The following ZMIZ1 variants were observed in gnomAD, a reference collection of about 807,000 sequenced individuals.
ZMIZ1 encodes the protein zinc finger MIZ domain-containing protein 1.
ZMIZ1 carries 17 observed loss-of-function variants against 113.9 expected under a neutral mutation model. The observed-to-expected ratio is 0.15, with a 90% CI of 0.10 to 0.22. ZMIZ1 has a LOEUF of 0.22. Among genes scored for constraint, ZMIZ1 ranks in the 10% least tolerant of loss-of-function variants. The probability of loss-of-function intolerance (pLI) is 1.00; values close to 1 mark genes in which losing one functional copy is unlikely to be tolerated. For missense variants in ZMIZ1, 1,059 were observed against 1,477.8 expected, an observed-to-expected ratio of 0.72 and a Z score of 4.65; for synonymous variants, 607 against 603.1, an observed-to-expected ratio of 1.01 and a Z score of -0.09.
intron 6 of ZMIZ1, among the ~76,000 whole-genome samples, chr10:79,210,095 C>G (rs1201658736): frequency 6.6e-6 from 1 of 152,212 alleles, no homozygotes; most frequent in Non-Finnish European, 1.5e-5. Flanking sequence ...GGATCTGGTT[C>G]CAGGCTAAGC....
rs201147714 is a variant in ZMIZ1 at position 79,300,747 on chromosome 10, G to A, written c.1824G>A (p.Leu608=). ...QTLMWRSDLE[L]QFKCYHHEDR... ...CCCCACCTAGGTCTGACCTGGAGCT[G>A]CAGTTCAAGTGCTACCACCACGAGG... Residue 608 remains leucine (L), a synonymous_variant, in exon 17 of 25, where the codon CTG becomes CTA. Coordinates refer to ENST00000334512, the MANE Select transcript of ZMIZ1 (RefSeq NM_020338.4). 2.9e-5 allele frequency: 47 copies of A among 1,613,870 alleles called. No homozygotes were observed. The highest frequency in any genetic ancestry group is 2.8e-4 in the African/African-American group (21 of 75,014).
chr10:79,277,420 C>T, intron 8 of ZMIZ1, 95 bp downstream of exon 8: 1 of 1,426,096 alleles, frequency 7.0e-7, no homozygotes, highest in Non-Finnish European at 9.2e-7. Flanking sequence ...GGCCTCTGTG[C>T]AACCATGAGG....
At chr10:79,264,003 C>G (rs1157440687) in intron 7 of ZMIZ1, among the ~76,000 whole-genome samples, 1 of 152,210 alleles carries the variant, frequency 6.6e-6, no homozygotes, top group African/African-American at 2.4e-5. Flanking sequence ...CCTCCTTACC[C>G]TTCCATCTCC....
chr10:79,239,294 A>G (rs1437667609), intron 7 of ZMIZ1, among the ~76,000 whole-genome samples: 2 of 152,050 alleles, frequency 1.3e-5, no homozygotes, highest in Non-Finnish European at 2.9e-5. Flanking sequence ...GGTCCCCGGT[A>G]TGTGTGCATC....
At chr10:79,070,840 C>T (rs938373404) in intron 1 of ZMIZ1, among the ~76,000 whole-genome samples, 9 of 148,608 alleles carry the variant, frequency 6.1e-5, no homozygotes, top group Non-Finnish European at 1.2e-4. Context: ...CCGCCTGCCT[C>T]CCTCCCTCCC....
chr10:79,189,905 C>T (rs1296199050), intron 4 of ZMIZ1, among the ~76,000 whole-genome samples: 1 of 152,338 alleles, frequency 6.6e-6, no homozygotes, highest in South Asian at 2.1e-4. Flanking sequence ...GTGGCTCAGT[C>T]CCCTGAGTAG....
chr10:79,248,394 G>A (rs184967014), intron 7 of ZMIZ1, among the ~76,000 whole-genome samples: 55 of 152,284 alleles, frequency 3.6e-4, no homozygotes, highest in Non-Finnish European at 6.6e-4. Context: ...GCAGGAGCTC[G>A]AGGAGAGGTT....
Position 79,306,348 on chromosome 10 carries a change from G to C in ZMIZ1, c.2668+4G>C. 1 of 1,607,304 alleles carries C rather than the reference G, an allele frequency of 6.2e-7. No individual in the cohort carries two copies. The highest frequency in any genetic ancestry group is 8.5e-7 in the Non-Finnish European group (1 of 1,179,696). Reference sequence around the variant, plus strand: ...TCCAACGACTACAGCAGCCAAGGTGGGTGATGCCAGGCAGGGAGGAAGGGA... The same window carrying C: ...TCCAACGACTACAGCAGCCAAGGTGCGTGATGCCAGGCAGGGAGGAAGGGA... On this transcript the variant is annotated splice_donor_region_variant and intron_variant, in intron 22 of 24. Coordinates refer to ENST00000334512, the MANE Select transcript of ZMIZ1 (RefSeq NM_020338.4).
chr10:79,112,803 A>G (rs1029412967), intron 1 of ZMIZ1, among the ~76,000 whole-genome samples: 2 of 152,196 alleles, frequency 1.3e-5, no homozygotes, highest in African/African-American at 4.8e-5. Flanking sequence ...GGGTTCCTTT[A>G]TATCTTTCAC....
intron 4 of ZMIZ1, among the ~76,000 whole-genome samples, chr10:79,183,358 GCACACACACACA>G (rs57212618): frequency 4.6e-5 from 7 of 150,692 alleles, no homozygotes; most frequent in Non-Finnish European, 8.9e-5. Flanking sequence ...TCGTGCACGC[GCACACACACACA>G]CACACACACA....
At chr10:79,160,289 G>A (rs1270952942) in intron 3 of ZMIZ1, among the ~76,000 whole-genome samples, 1 of 152,198 alleles carries the variant, frequency 6.6e-6, no homozygotes, top group Admixed American at 6.5e-5. Context: ...GAGCCAGAAG[G>A]TTAGGATGTA....
At chr10:79,167,372 T>G (rs1346683994) in intron 4 of ZMIZ1, among the ~76,000 whole-genome samples, 2 of 152,188 alleles carry the variant, frequency 1.3e-5, no homozygotes, top group East Asian at 3.9e-4. Flanking sequence ...CGGCGCATGC[T>G]TGGAGAGTCC....
At chr10:79,231,990 A>G (rs116529066) in intron 7 of ZMIZ1, among the ~76,000 whole-genome samples, 2,190 of 152,340 alleles carry the variant, frequency 0.014, 53 homozygotes, top group African/African-American at 0.05. Flanking sequence ...TTGAGGAACA[A>G]TGGACCCATG....
chr10:79,226,788 A>C (rs1262869751), intron 7 of ZMIZ1, among the ~76,000 whole-genome samples: 1 of 152,230 alleles, frequency 6.6e-6, no homozygotes, highest in Non-Finnish European at 1.5e-5. Context: ...TTAGACAGAC[A>C]GATAGGCATT....
chr10:79,306,263 G>A lies in ZMIZ1; in HGVS notation c.2587G>A (p.Ala863Thr), dbSNP rs1332317806. ...CATGCCCAATGTCATGGAGATGATC[G>A]CAGCCCTGGGCCCCGGCCCGTCCCC... ...MIMPNVMEMI[A>T]ALGPGPSPYP... is the part of the protein sequence containing the mutation. The change falls in exon 22 of 25, where the codon GCA becomes ACA. Residue 863 changes from alanine to threonine, a missense_variant. Physicochemically the swap from Ala to Thr is moderately conservative, Grantham distance 58 (BLOSUM62 0). Transcript: ENST00000334512. 5.6e-6 allele frequency: 9 copies of A among 1,613,988 alleles called. No homozygotes were observed. Among genetic ancestry groups the A allele is most frequent in the East Asian group, 2.2e-5 (1 of 44,876 alleles).
intron 7 of ZMIZ1, among the ~76,000 whole-genome samples, chr10:79,250,899 C>T (rs149302892): frequency 2.4e-4 from 36 of 152,286 alleles, no homozygotes; most frequent in Middle Eastern, 3.4e-3. Flanking sequence ...CTGGCACCCA[C>T]GGTGTCCTTG....
At position 79,077,005 on chromosome 10, in the gene ZMIZ1, A is replaced by G. The variant is rs970183735; in HGVS notation, c.-337+7735A>G. Among the ~76,000 whole-genome samples, 4 of 152,098 alleles carry G rather than the reference A, an allele frequency of 2.6e-5. No individual in the cohort carries two copies. In the South Asian group the frequency reaches 8.3e-4, roughly 31 times the overall value. On this transcript the variant is annotated intron_variant, in intron 1 of 24. Coordinates refer to ENST00000334512, the MANE Select transcript of ZMIZ1 (RefSeq NM_020338.4). Reference sequence around the variant, plus strand: ...TTGTCCTTTGCAGAGCAAATGACCCACTGACTTGGTCCTGCCTTCACTTCC... The same window carrying G: ...TTGTCCTTTGCAGAGCAAATGACCCGCTGACTTGGTCCTGCCTTCACTTCC...
At chr10:79,100,678 T>C (rs1843334523) in intron 1 of ZMIZ1, among the ~76,000 whole-genome samples, 1 of 152,190 alleles carries the variant, frequency 6.6e-6, no homozygotes, top group African/African-American at 2.4e-5. Context: ...AGGGGTCCCA[T>C]GATCCCTGCT....
chr10:79,136,099 C>G (rs996898429), intron 2 of ZMIZ1, among the ~76,000 whole-genome samples: 1 of 152,228 alleles, frequency 6.6e-6, no homozygotes, highest in Non-Finnish European at 1.5e-5. Flanking sequence ...CCCCAGTCCT[C>G]CAGGATCTGC....
Sources: gnomAD v4.1 joint callset for allele counts (sites outside exome capture counted in the v4.1 genomes callset) on GRCh38, gnomAD v4.1.1 for gene constraint, MANE v1.5 for transcripts, NCBI Gene and HGNC (gene_info 2026-07-23, HGNC 2026-07-21) for gene names.